The following SMG6 variants were observed in gnomAD, a reference collection of about 807,000 sequenced individuals.
SMG6 encodes telomerase-binding protein EST1A.
In SMG6, 66 loss-of-function variants were observed where a neutral mutation model predicts 142.2. That is an observed-to-expected ratio of 0.46 (90% CI 0.38 to 0.57). SMG6 has a LOEUF of 0.57. SMG6 is among the 20% of genes least tolerant of loss of function. The pLI is 0.00. For missense variants in SMG6, 1,793 were observed against 1,832.0 expected (o/e 0.98, Z 0.39); for synonymous variants, 779 against 702.4 (o/e 1.11, Z -1.72).
At chr17:2,291,052 C>T (rs1436693296) in intron 6 of SMG6, among the ~76,000 whole-genome samples, 1 of 152,124 alleles carries the variant, frequency 6.6e-6, no homozygotes, top group Admixed American at 6.5e-5. Context: ...TGACACATGG[C>T]CAGGTGCGGT....
intron 12 of SMG6, among the ~76,000 whole-genome samples, chr17:2,182,832 C>T (rs913729109): frequency 6.8e-6 from 1 of 147,430 alleles, no homozygotes; most frequent in Non-Finnish European, 1.5e-5. Flanking sequence ...CAGCACCAGC[C>T]GAAGACCACA....
chr17:2,234,167 G>A (rs887814415), intron 10 of SMG6, among the ~76,000 whole-genome samples: 1 of 152,028 alleles, frequency 6.6e-6, no homozygotes, highest in Admixed American at 6.5e-5. Context: ...AAGTGCCTTG[G>A]CCTCACATCA....
chr17:2,106,122 G>A (rs1209989613), intron 13 of SMG6, among the ~76,000 whole-genome samples: 3 of 152,186 alleles, frequency 2.0e-5, no homozygotes, highest in African/African-American at 7.2e-5. Flanking sequence ...CTTCTCAGTG[G>A]AAAAACCAGG....
At position 2,100,433 on chromosome 17, in the gene SMG6, A is replaced by G. The variant is rs560067737; in HGVS notation, c.3358-14532T>C. ...AGTGATCTGCCCTCCTTCACCTACC[A>G]AAGTGCTGGGATTATAGGCATAAGC... On this transcript the variant is annotated intron_variant, in intron 13 of 18. Transcript: ENST00000263073. Among the ~76,000 whole-genome samples the G allele has an allele frequency of 2.6e-5, 4 of 152,288 alleles. No homozygotes were observed. The South Asian group carries it at 6.2e-4, about 24-fold the overall frequency.
intron 13 of SMG6, among the ~76,000 whole-genome samples, chr17:2,156,032 C>A (rs970528172): frequency 7.1e-6 from 1 of 140,582 alleles, no homozygotes; most frequent in Non-Finnish European, 1.5e-5. Context: ...TTACTGTTTT[C>A]TTTACCTTTT....
At chr17:2,254,662 T>C (rs2074123972) in intron 8 of SMG6, among the ~76,000 whole-genome samples, 1 of 152,092 alleles carries the variant, frequency 6.6e-6, no homozygotes, top group African/African-American at 2.4e-5. Flanking sequence ...AATCAACAGG[T>C]TGACACAGCG....
At chr17:2,289,643 C>T (rs966390251) in intron 6 of SMG6, among the ~76,000 whole-genome samples, 1 of 151,942 alleles carries the variant, frequency 6.6e-6, no homozygotes, top group East Asian at 1.9e-4. Flanking sequence ...CTGCCAGGTG[C>T]GGTGGCTCAC....
chr17:2,063,362 TC>T lies in SMG6; in HGVS notation c.4129+1710del, dbSNP rs1352913821. 3 of 152,270 alleles carry T rather than the reference TC, an allele frequency of 2.0e-5. No homozygotes were observed. The East Asian group carries it at 5.8e-4, about 29-fold the overall frequency. The allele number at this position is 152,270 out of a possible 1,614,324, so 9.4% of individuals were successfully genotyped here. On this transcript the variant is annotated intron_variant, in intron 18 of 18. Transcript: ENST00000263073. The stretch of plus-strand genomic sequence containing the variant: ...CACATAAACATTTAGTGACGGTTTC[TC>T]TGTGAATCTGACAAGTTAATCTGCT...
At chr17:2,239,277 C>T (rs1211674338) in intron 9 of SMG6, among the ~76,000 whole-genome samples, 1 of 152,072 alleles carries the variant, frequency 6.6e-6, no homozygotes, top group Non-Finnish European at 1.5e-5. Flanking sequence ...TAATGTTATA[C>T]TTTTATAAGG....
At chr17:2,263,439 C>G (rs1241020653) in intron 8 of SMG6, among the ~76,000 whole-genome samples, 2 of 152,154 alleles carry the variant, frequency 1.3e-5, no homozygotes, top group Non-Finnish European at 2.9e-5. Context: ...TAAGCATGAA[C>G]GACACGGAAA....
At chr17:2,129,648 G>C (rs1412479571) in intron 13 of SMG6, among the ~76,000 whole-genome samples, 2 of 151,568 alleles carry the variant, frequency 1.3e-5, no homozygotes, top group African/African-American at 2.4e-5. Flanking sequence ...AAAAAAATCA[G>C]CCTGGCGTGG....
chr17:2,193,346 C>T (rs1311217248), intron 10 of SMG6, among the ~76,000 whole-genome samples: 1 of 152,188 alleles, frequency 6.6e-6, no homozygotes, highest in Non-Finnish European at 1.5e-5. Context: ...GCTTCCTGTA[C>T]AACCTGCAGA....
chr17:2,300,633 C>A lies in SMG6; in HGVS notation c.120G>T (p.Pro40=). The A allele has an allele frequency of 6.2e-7, 1 of 1,601,064 alleles. No homozygotes were observed. The highest frequency in any genetic ancestry group is 8.5e-7 in the Non-Finnish European group (1 of 1,175,672). The part of the protein sequence containing the change: ...ENMKELKEAR[P]RKDNRRPDLE... ...GATCTGGACGCCTGTTATCTTTGCGCGGCCTGGCCTCCTTTAATTCCTTCA... is the reference window on the plus strand; with the variant it reads ...GATCTGGACGCCTGTTATCTTTGCGAGGCCTGGCCTCCTTTAATTCCTTCA... Residue 40 remains proline (P), a synonymous_variant, in exon 2 of 19, where the codon CCG becomes CCT. Coordinates refer to ENST00000263073, the MANE Select transcript of SMG6 (RefSeq NM_017575.5).
At chr17:2,248,903 T>C (rs2073980911) in intron 8 of SMG6, among the ~76,000 whole-genome samples, 1 of 152,042 alleles carries the variant, frequency 6.6e-6, no homozygotes, top group Non-Finnish European at 1.5e-5. Context: ...TTTTTTTTTT[T>C]TGAGACAGAG....
At position 2,065,279 on chromosome 17, in the gene SMG6, G is replaced by T; in HGVS notation, c.4048-125C>A. On this transcript the variant is annotated intron_variant, in intron 17 of 18. Coordinates refer to ENST00000263073, the MANE Select transcript of SMG6 (RefSeq NM_017575.5). Reference sequence around the variant, plus strand: ...CCTCCCCGATCCCTCCCATGCATGCGCTGGCCCTGCCTGGCCTGATCTGAC... The same window carrying T: ...CCTCCCCGATCCCTCCCATGCATGCTCTGGCCCTGCCTGGCCTGATCTGAC... 5.0e-6 allele frequency: 5 copies of T among 998,890 alleles called. No individual in the cohort carries two copies. In the South Asian group the frequency reaches 5.8e-5, roughly 12 times the overall value. 61.9% of individuals were successfully genotyped at this position (998,890 alleles called of 1,614,324 possible).
At position 2,092,693 on chromosome 17, in the gene SMG6, G is replaced by T. The variant is rs779628195; in HGVS notation, c.3358-6792C>A. On this transcript the variant is annotated intron_variant, in intron 13 of 18. Transcript: ENST00000263073. ...ACAGGGGAGTTGTGAAGCACACACA[G>T]GAAGTAATGAGGTAAATAAAGTATA... 1.4e-3 allele frequency among the ~76,000 whole-genome samples: 216 copies of T among 152,342 alleles called. 3 individuals are homozygous for T. Among genetic ancestry groups the T allele is most frequent in the Non-Finnish European group, 8.8e-4 (60 of 68,034 alleles).
At chr17:2,213,769 A>G (rs569269757) in intron 10 of SMG6, 2 of 152,328 alleles carry the variant, frequency 1.3e-5, no homozygotes, top group African/African-American at 4.8e-5. Context: ...TCCCAGCAAC[A>G]AAGTCTACCA....
chr17:2,087,886 C>G, intron 13 of SMG6: 3 of 985,844 alleles, frequency 3.0e-6, no homozygotes, highest in Non-Finnish European at 3.6e-6. Context: ...ACCACCTTGT[C>G]GTTACAGTGT....
chr17:2,141,064 C>A (rs2070464245), intron 13 of SMG6, among the ~76,000 whole-genome samples: 1 of 152,190 alleles, frequency 6.6e-6, no homozygotes. Context: ...AATACAGTAG[C>A]CACTAGCCAC....
Sources: allele counts gnomAD v4.1 joint callset (sites outside exome capture counted in the v4.1 genomes callset), GRCh38; gene constraint gnomAD v4.1.1; transcripts MANE v1.5; gene names NCBI Gene and HGNC (gene_info 2026-07-23, HGNC 2026-07-21).